The following PIP5K1B variants were observed in gnomAD, a reference collection of about 807,000 sequenced individuals.
The protein encoded by PIP5K1B is phosphatidylinositol-4-phosphate 5-kinase type 1 beta, also known as phosphatidylinositol 4-phosphate 5-kinase type-1 beta.
PIP5K1B carries 42 observed loss-of-function variants against 67.0 expected under a neutral mutation model. That is an observed-to-expected ratio of 0.63 (90% CI 0.49 to 0.81). The LOEUF (loss-of-function observed/expected upper bound fraction) is 0.81. Among genes scored for constraint, PIP5K1B ranks in the 30% least tolerant of loss-of-function variants. PIP5K1B has a pLI of 0.00. For synonymous variants in PIP5K1B, 214 were observed against 231.4 expected (o/e 0.92, Z 0.68); for missense variants, 459 against 646.3 (o/e 0.71, Z 3.14).
intron 14 of PIP5K1B, among the ~76,000 whole-genome samples, chr9:68,990,607 C>A (rs1182745809): frequency 2.0e-5 from 3 of 149,036 alleles, no homozygotes; most frequent in Non-Finnish European, 3.0e-5. Flanking sequence ...CTCCCAAATG[C>A]AATGAGGTAT....
intron 15 of PIP5K1B, among the ~76,000 whole-genome samples, chr9:69,007,063 G>A (rs139397523): frequency 6.6e-6 from 1 of 152,282 alleles, no homozygotes; most frequent in Non-Finnish European, 1.5e-5. Flanking sequence ...TTATTTTTGA[G>A]TAACAGCGTG....
chr9:68,798,698 G>C (rs186359244), intron 2 of PIP5K1B, among the ~76,000 whole-genome samples: 8 of 152,288 alleles, frequency 5.3e-5, no homozygotes, highest in African/African-American at 7.2e-5. Flanking sequence ...CAGAAGTCTA[G>C]ATTTTATTCT....
intron 2 of PIP5K1B, among the ~76,000 whole-genome samples, chr9:68,810,560 G>T (rs534864370): frequency 2.2e-4 from 33 of 152,260 alleles, no homozygotes; most frequent in African/African-American, 7.9e-4. Flanking sequence ...AAGTGATTAG[G>T]TAATTAGCAA....
chr9:68,706,482 T>A (rs1235353756), intron 1 of PIP5K1B, among the ~76,000 whole-genome samples: 1 of 152,204 alleles, frequency 6.6e-6, no homozygotes, highest in Non-Finnish European at 1.5e-5. Context: ...CCCCCAGCTC[T>A]CTTGTCTGGT....
intron 2 of PIP5K1B, among the ~76,000 whole-genome samples, chr9:68,755,806 G>A (rs1244188792): frequency 4.6e-5 from 7 of 152,202 alleles, no homozygotes; most frequent in African/African-American, 1.7e-4. Context: ...GCCGGAGGAT[G>A]AATCGCAGGA....
intron 1 of PIP5K1B, among the ~76,000 whole-genome samples, chr9:68,707,427 A>G (rs749750184): frequency 6.6e-6 from 1 of 152,198 alleles, no homozygotes; most frequent in African/African-American, 2.4e-5. Flanking sequence ...TGAGGCTCAC[A>G]GATTCAGAGA....
At chr9:68,942,737 T>C (rs1827627484) in intron 14 of PIP5K1B, among the ~76,000 whole-genome samples, 1 of 152,194 alleles carries the variant, frequency 6.6e-6, no homozygotes, top group African/African-American at 2.4e-5. Context: ...TTTCCTTTCT[T>C]TTAAATATTT....
At chr9:68,940,503 A>G (rs1388660012) in intron 13 of PIP5K1B, 143 bp from the exon 14 acceptor site, 3 of 689,722 alleles carry the variant, frequency 4.3e-6, no homozygotes, top group Non-Finnish European at 7.1e-6. Flanking sequence ...TGTAATTCAG[A>G]AAAAAAAAGT....
At chr9:68,996,993 G>A (rs1312960257) in intron 15 of PIP5K1B, among the ~76,000 whole-genome samples, 1 of 152,160 alleles carries the variant, frequency 6.6e-6, no homozygotes, top group Non-Finnish European at 1.5e-5. Flanking sequence ...TACAAAAATA[G>A]CTGTGAGCAA....
intron 12 of PIP5K1B, among the ~76,000 whole-genome samples, chr9:68,928,064 A>C (rs528561064): frequency 6.6e-6 from 1 of 151,948 alleles, no homozygotes. Flanking sequence ...ATGAGAGAAC[A>C]TAAACCAGAC....
chr9:68,979,210 C>T (rs1393216388), intron 14 of PIP5K1B, among the ~76,000 whole-genome samples: 1 of 152,174 alleles, frequency 6.6e-6, no homozygotes, highest in African/African-American at 2.4e-5. Context: ...CAGGTTACTC[C>T]AGTCAGACCT....
At chr9:68,991,983 G>C (rs898924795) in intron 15 of PIP5K1B, among the ~76,000 whole-genome samples, 1 of 151,986 alleles carries the variant, frequency 6.6e-6, no homozygotes, top group African/African-American at 2.4e-5. Flanking sequence ...TTTTTGGGGG[G>C]GGGCAGAGTT....
intron 4 of PIP5K1B, among the ~76,000 whole-genome samples, chr9:68,828,231 G>T (rs1834088757): frequency 6.6e-6 from 1 of 152,140 alleles, no homozygotes; most frequent in Non-Finnish European, 1.5e-5. Flanking sequence ...TGCCTTTCTG[G>T]GCCTGCCCAC....
chr9:68,780,008 A>T (rs1831146571), intron 2 of PIP5K1B: 3 of 976,412 alleles, frequency 3.1e-6, no homozygotes, highest in Non-Finnish European at 4.2e-6. Context: ...GCGAGTACGG[A>T]CATCGCGAGC....
chr9:68,961,224 A>AGAAAG (rs200519280), intron 14 of PIP5K1B, among the ~76,000 whole-genome samples: 1 of 151,760 alleles, frequency 6.6e-6, no homozygotes, highest in Non-Finnish European at 1.5e-5. Context: ...CTCAAAAAAA[A>AGAAAG]AAAAAAAAAG....
intron 4 of PIP5K1B, among the ~76,000 whole-genome samples, chr9:68,834,171 G>A (rs778090823): frequency 8.5e-5 from 13 of 152,212 alleles, no homozygotes; most frequent in Non-Finnish European, 1.5e-4. Context: ...AGCGTGGCAT[G>A]TGAGTCCTTC....
chr9:68,740,067 A>G (rs1367524350), intron 1 of PIP5K1B, among the ~76,000 whole-genome samples: 1 of 152,008 alleles, frequency 6.6e-6, no homozygotes, highest in Non-Finnish European at 1.5e-5. Flanking sequence ...CCAGCTCCCC[A>G]CCCTTTGCCT....
intron 4 of PIP5K1B, among the ~76,000 whole-genome samples, chr9:68,857,897 A>G (rs1822862557): frequency 6.6e-6 from 1 of 152,046 alleles, no homozygotes; most frequent in East Asian, 1.9e-4. Flanking sequence ...TAATAAATAA[A>G]TGGGGAGGCT....
intron 5 of PIP5K1B, 22 bp from the exon 6 acceptor site, chr9:68,876,655 C>G: frequency 7.7e-7 from 1 of 1,293,372 alleles, no homozygotes. Context: ...CTTTCTCTCT[C>G]TTTTTAATAT....
Sources: allele counts gnomAD v4.1 joint callset (sites outside exome capture counted in the v4.1 genomes callset), GRCh38; gene constraint gnomAD v4.1.1; transcripts MANE v1.5; gene names NCBI Gene and HGNC (gene_info 2026-07-23, HGNC 2026-07-21).